The following POLR2B variants were observed in gnomAD, a reference collection of about 807,000 sequenced individuals.
POLR2B encodes DNA-directed RNA polymerase II subunit RPB2.
POLR2B carries 57 observed loss-of-function variants against 144.6 expected under a neutral mutation model. The ratio of observed to expected loss-of-function variants is 0.39; its 90% CI spans 0.32 to 0.49. The LOEUF (loss-of-function observed/expected upper bound fraction) is 0.49. Among genes scored for constraint, POLR2B ranks in the 20% least tolerant of loss-of-function variants. POLR2B has a pLI of 0.83. For missense variants in POLR2B, 595 were observed against 1,467.4 expected (o/e 0.41, Z 9.71); for synonymous variants, 442 against 469.8 (o/e 0.94, Z 0.77).
chr4:57,010,300 C>T, intron 10 of POLR2B, 61 bp from the exon 11 acceptor site: 1 of 1,426,464 alleles, frequency 7.0e-7, no homozygotes, highest in Non-Finnish European at 9.7e-7. Flanking sequence ...GACTTTGCCT[C>T]AGTGTAATAG....
chr4:56,991,435 A>G (rs1024467194), intron 3 of POLR2B, among the ~76,000 whole-genome samples: 9 of 152,330 alleles, frequency 5.9e-5, no homozygotes, highest in Middle Eastern at 3.4e-3. Flanking sequence ...TACATGAGTG[A>G]TTATAAGAAG....
chr4:57,006,003 A>G (rs1723008140), intron 9 of POLR2B, among the ~76,000 whole-genome samples: 1 of 152,170 alleles, frequency 6.6e-6, no homozygotes, highest in South Asian at 2.1e-4. Flanking sequence ...CCTAAGGGCT[A>G]ATATTGGATT....
intron 6 of POLR2B, among the ~76,000 whole-genome samples, chr4:56,996,685 T>G (rs1560474818): frequency 6.6e-6 from 1 of 152,182 alleles, no homozygotes. Flanking sequence ...AGCATACCTG[T>G]CACCTCAAGA....
In POLR2B at chr4:57,023,626, A is replaced by G. The variant is rs764832107; in HGVS notation, c.2767-36A>G. 4.3e-6 allele frequency: 7 copies of G among 1,611,122 alleles called. No individual in the cohort carries two copies. Among genetic ancestry groups the G allele is most frequent in the South Asian group, 1.1e-5 (1 of 90,822 alleles). ...GTAGCTAGTTTTAGAAAGTAAACCAAATCCACTTAACTAACTTATTTTTAT... is the reference window on the plus strand; with the variant it reads ...GTAGCTAGTTTTAGAAAGTAAACCAGATCCACTTAACTAACTTATTTTTAT... On this transcript the variant is annotated intron_variant, in intron 19 of 24. Coordinates refer to ENST00000314595, the MANE Select transcript of POLR2B (RefSeq NM_000938.3). This position sits in a 1 kb window ranked among gnomAD's most constrained non-coding sequence, Gnocchi z 4.3.
intron 2 of POLR2B, 144 bp downstream of exon 2, chr4:56,986,570 T>G: frequency 2.0e-6 from 1 of 506,540 alleles, no homozygotes; most frequent in Non-Finnish European, 3.5e-6. Flanking sequence ...GTATTTCAGA[T>G]CTAAAAGTTA....
chr4:56,980,493 G>A (rs1264047092), intron 1 of POLR2B, among the ~76,000 whole-genome samples: 3 of 152,084 alleles, frequency 2.0e-5, no homozygotes, highest in South Asian at 2.1e-4. Flanking sequence ...AGTCTGAGGC[G>A]GGTGGATTAC....
rs1560474600 is a variant in POLR2B at position 56,996,276 on chromosome 4, A to ATTTTT, written c.735+868_735+869insTTTTT. On this transcript the variant is annotated intron_variant, in intron 6 of 24. Transcript: ENST00000314595. ...TGTGTGTGTGTGTATATATATATAT[A>ATTTTT]TATTTTTTTTTTTTTTTTTTTTTGA... Among the ~76,000 whole-genome samples, 78 of 85,554 alleles carry ATTTTT rather than the reference A, an allele frequency of 9.1e-4. 1 individual carries two copies. The highest frequency in any genetic ancestry group is 3.9e-3 in the South Asian group (8 of 2,040). 56.1% of individuals were successfully genotyped at this position (85,554 alleles called of 152,430 possible).
chr4:57,024,630 ATAATT>A (rs1478712394), intron 21 of POLR2B, among the ~76,000 whole-genome samples: 5 of 152,110 alleles, frequency 3.3e-5, no homozygotes, highest in African/African-American at 1.2e-4. Context: ...TTGAATACTT[ATAATT>A]GAGTTTTTCT....
intron 7 of POLR2B, among the ~76,000 whole-genome samples, chr4:57,000,810 C>T (rs7675293): frequency 0.083 from 12,567 of 151,874 alleles, 691 homozygotes; most frequent in East Asian, 0.24. Flanking sequence ...ATTCTCCTGC[C>T]TCAGCCTCCC....
At chr4:57,001,786 C>G (rs1299983961) in intron 7 of POLR2B, among the ~76,000 whole-genome samples, 3 of 152,188 alleles carry the variant, frequency 2.0e-5, no homozygotes, top group African/African-American at 7.2e-5. Flanking sequence ...TGTCCAGTTC[C>G]TTATAAATTT....
intron 10 of POLR2B, among the ~76,000 whole-genome samples, chr4:57,008,848 A>G (rs1420882990): frequency 6.6e-6 from 1 of 152,214 alleles, no homozygotes; most frequent in Non-Finnish European, 1.5e-5. Flanking sequence ...ATTCTGAATT[A>G]AAAGAGATGG....
chr4:57,024,745 CT>C (rs1331489206), intron 21 of POLR2B, 140 bp from the exon 22 acceptor site: 1 of 568,768 alleles, frequency 1.8e-6, no homozygotes, highest in Non-Finnish European at 3.0e-6. Context: ...AGTTCAAAAT[CT>C]TTGAATTTTA....
chr4:57,004,683 G>A (rs191302070), intron 7 of POLR2B, among the ~76,000 whole-genome samples: 3 of 152,078 alleles, frequency 2.0e-5, no homozygotes, highest in Admixed American at 6.5e-5. Context: ...AAAAAGAAAC[G>A]CACCACTCTT....
intron 22 of POLR2B, 32 bp downstream of exon 22, chr4:57,025,031 CTT>C: frequency 9.0e-7 from 1 of 1,108,214 alleles, no homozygotes; most frequent in Non-Finnish European, 1.3e-6. Flanking sequence ...TAATTTGCCA[CTT>C]GTTTTTTTTT....
At chr4:56,981,447 A>T (rs1340425084) in intron 1 of POLR2B, among the ~76,000 whole-genome samples, 1 of 152,232 alleles carries the variant, frequency 6.6e-6, no homozygotes, top group Non-Finnish European at 1.5e-5. Flanking sequence ...GTCAGGTCAA[A>T]TGATATGCAC....
intron 11 of POLR2B, 30 bp from the exon 12 acceptor site, chr4:57,010,718 A>T: frequency 1.3e-6 from 2 of 1,549,140 alleles, no homozygotes; most frequent in South Asian, 2.5e-5. Flanking sequence ...ATGTAAAATC[A>T]GAATGACTAA....
chr4:57,030,658 T>A, intron 24 of POLR2B: 1 of 547,450 alleles, frequency 1.8e-6, no homozygotes, highest in East Asian at 2.8e-5. Context: ...TTTTAAACAA[T>A]GAGTTTTTGA....
At position 57,023,933 on chromosome 4, in the gene POLR2B, T is replaced by A. The variant is rs1370692801; in HGVS notation, c.2857-72T>A. 5.6e-6 allele frequency: 5 copies of A among 885,388 alleles called. No homozygotes were observed. Among genetic ancestry groups the A allele is most frequent in the Non-Finnish European group, 8.9e-6 (5 of 562,634 alleles). The allele number at this position is 885,388 out of a possible 1,614,324, so 54.8% of individuals were successfully genotyped here. On this transcript the variant is annotated intron_variant, in intron 20 of 24. Coordinates refer to ENST00000314595, the MANE Select transcript of POLR2B (RefSeq NM_000938.3). This position sits in a 1 kb window ranked among gnomAD's most constrained non-coding sequence, Gnocchi z 4.3. ...AATTTGGGACATACAGTAATTCAGT[T>A]GGGAGAACTGAAATGTCAGTTCTAG...
intron 21 of POLR2B, 125 bp from the exon 22 acceptor site, chr4:57,024,761 A>G (rs1723661346): frequency 6.7e-6 from 4 of 600,604 alleles, no homozygotes; most frequent in Non-Finnish European, 1.2e-5. Flanking sequence ...ATTTTAAAAT[A>G]CTTAAAATAA....
Sources: allele counts gnomAD v4.1 joint callset (sites outside exome capture counted in the v4.1 genomes callset), GRCh38; gene constraint gnomAD v4.1.1; non-coding constraint Gnocchi (gnomAD v3.1); transcripts MANE v1.5; gene names NCBI Gene and HGNC (gene_info 2026-07-23, HGNC 2026-07-21).